The following COL25A1 variants were observed in gnomAD, a reference collection of about 807,000 sequenced individuals.
COL25A1 encodes collagen type XXV alpha 1 chain.
Under a neutral mutation model 128.4 loss-of-function variants are expected in COL25A1, and 103 were observed. The ratio of observed to expected loss-of-function variants is 0.80; its 90% CI spans 0.68 to 0.94. COL25A1 has a LOEUF of 0.94. Among genes scored for constraint, COL25A1 ranks in the 40% least tolerant of loss-of-function variants. COL25A1 has a pLI of 0.00. For synonymous variants in COL25A1, 279 were observed against 277.2 expected (o/e 1.01, Z -0.06); for missense variants, 745 against 840.0 (o/e 0.89, Z 1.40).
intron 13 of COL25A1, among the ~76,000 whole-genome samples, chr4:108,914,989 C>T (rs937407145): frequency 4.6e-5 from 7 of 152,164 alleles, no homozygotes; most frequent in Non-Finnish European, 8.8e-5. Flanking sequence ...CAAATGAGGA[C>T]ACATAGCATT....
chr4:109,288,919 T>A (rs1401430321), intron 3 of COL25A1, among the ~76,000 whole-genome samples: 2 of 146,320 alleles, frequency 1.4e-5, no homozygotes, highest in African/African-American at 2.6e-5. Flanking sequence ...GGAAACAGAA[T>A]AATAAACAAT....
chr4:109,209,841 T>C (rs879560155), intron 3 of COL25A1, among the ~76,000 whole-genome samples: 34 of 151,924 alleles, frequency 2.2e-4, no homozygotes, highest in Non-Finnish European at 4.1e-4. Context: ...TCATTTGAGG[T>C]CAGAAATTCG....
intron 24 of COL25A1, among the ~76,000 whole-genome samples, chr4:108,857,037 G>A (rs1234599773): frequency 2.0e-5 from 3 of 152,056 alleles, no homozygotes; most frequent in Non-Finnish European, 4.4e-5. Context: ...TTAGACTAAG[G>A]ATAGCTTGCC....
At chr4:109,194,343 T>G (rs886755694) in intron 3 of COL25A1, among the ~76,000 whole-genome samples, 2 of 152,214 alleles carry the variant, frequency 1.3e-5, no homozygotes, top group Non-Finnish European at 2.9e-5. Flanking sequence ...CATAGTGTCA[T>G]GTATATCATA....
At chr4:108,829,506 A>T (rs2125724264) in intron 32 of COL25A1, among the ~76,000 whole-genome samples, 1 of 151,918 alleles carries the variant, frequency 6.6e-6, no homozygotes, top group East Asian at 1.9e-4. Flanking sequence ...GTTTTAAGGG[A>T]GGAGCCACAT....
At chr4:108,984,378 C>T (rs188681872) in intron 6 of COL25A1, among the ~76,000 whole-genome samples, 6 of 152,212 alleles carry the variant, frequency 3.9e-5, no homozygotes, top group African/African-American at 1.2e-4. Context: ...GCCAGTCCCC[C>T]ACAGTGCGCC....
At chr4:108,984,485 G>C (rs992128202) in intron 6 of COL25A1, among the ~76,000 whole-genome samples, 4 of 152,216 alleles carry the variant, frequency 2.6e-5, no homozygotes, top group Admixed American at 6.5e-5. Context: ...AGACCATGAG[G>C]GGGGCGGGAG....
At chr4:108,983,916 G>C (rs1397474898) in intron 6 of COL25A1, among the ~76,000 whole-genome samples, 1 of 152,126 alleles carries the variant, frequency 6.6e-6, no homozygotes, top group East Asian at 1.9e-4. Context: ...CTTCCACAGT[G>C]TGGAAGGGGA....
chr4:109,300,419 GC>G (rs1342699347), intron 3 of COL25A1, among the ~76,000 whole-genome samples, 163 bp downstream of exon 3: 3 of 152,084 alleles, frequency 2.0e-5, no homozygotes, highest in Non-Finnish European at 4.4e-5. Flanking sequence ...AATATTTGGG[GC>G]TTTATTTGCC....
At chr4:109,224,288 A>T (rs1778625780) in intron 3 of COL25A1, among the ~76,000 whole-genome samples, 2 of 152,206 alleles carry the variant, frequency 1.3e-5, no homozygotes, top group Admixed American at 1.3e-4. Context: ...ATATCAAAAA[A>T]AGGTCATTGG....
intron 3 of COL25A1, among the ~76,000 whole-genome samples, chr4:109,160,321 C>T (rs1469342468): frequency 6.6e-6 from 1 of 152,130 alleles, no homozygotes; most frequent in Admixed American, 6.6e-5. Context: ...AAGAACATCT[C>T]TTTTGTTCAT....
chr4:108,820,668 G>T (rs1302392179), intron 35 of COL25A1, among the ~76,000 whole-genome samples: 1 of 151,114 alleles, frequency 6.6e-6, no homozygotes, highest in Non-Finnish European at 1.5e-5. Context: ...CTCATGCCAT[G>T]TATTTACAAT....
chr4:109,194,025 A>G (rs1020755339), intron 3 of COL25A1, among the ~76,000 whole-genome samples: 23 of 152,340 alleles, frequency 1.5e-4, no homozygotes, highest in Admixed American at 4.6e-4. Flanking sequence ...TTTAAAAAAT[A>G]GACTGTGTGA....
At position 108,942,156 on chromosome 4, in the gene COL25A1, C is replaced by T. The variant is rs75080065; in HGVS notation, c.493-719G>A. On this transcript the variant is annotated intron_variant, in intron 8 of 37. Transcript: ENST00000399132. ...AAGCCAATTGAATGGTTCCTGCTCA[C>T]GCTTATGCTGATTGCATTTCTGACT... The T allele has an allele frequency of 3.2e-3, 4,958 of 1,525,552 alleles. 129 individuals carry two copies. The East Asian group carries it at 0.057, about 18-fold the overall frequency. The allele number at this position is 1,525,552 out of a possible 1,614,324, so 94.5% of individuals were successfully genotyped here.
chr4:108,960,569 T>C (rs1207301271), intron 8 of COL25A1, among the ~76,000 whole-genome samples: 6 of 152,236 alleles, frequency 3.9e-5, no homozygotes, highest in Admixed American at 2.0e-4. Context: ...AATTACAAAG[T>C]GCTGCTATAA....
At chr4:108,845,107 TG>T in intron 29 of COL25A1, 81 bp downstream of exon 29, 2 of 1,171,896 alleles carry the variant, frequency 1.7e-6, no homozygotes, top group Non-Finnish European at 2.6e-6. Flanking sequence ...TGCAGCCATC[TG>T]GCAGAGGTGG....
chr4:109,277,545 C>T (rs979552821), intron 3 of COL25A1, among the ~76,000 whole-genome samples: 1 of 152,102 alleles, frequency 6.6e-6, no homozygotes, highest in Non-Finnish European at 1.5e-5. Context: ...TAGATTTGTC[C>T]TATATGAAAA....
At chr4:108,981,462 G>C (rs1287737616) in intron 6 of COL25A1, among the ~76,000 whole-genome samples, 1 of 152,110 alleles carries the variant, frequency 6.6e-6, no homozygotes, top group East Asian at 1.9e-4. Flanking sequence ...TAAAATCATA[G>C]GAGTTCCCGT....
chr4:109,285,138 T>C (rs954553730), intron 3 of COL25A1, among the ~76,000 whole-genome samples: 4 of 152,284 alleles, frequency 2.6e-5, no homozygotes, highest in Admixed American at 6.5e-5. Flanking sequence ...AACCTCTGAA[T>C]GAATTAAGGG....
Sources: allele counts gnomAD v4.1 joint callset (sites outside exome capture counted in the v4.1 genomes callset), GRCh38; gene constraint gnomAD v4.1.1; transcripts MANE v1.5; gene names NCBI Gene and HGNC (gene_info 2026-07-23, HGNC 2026-07-21).